The following GRM7 variants were observed in gnomAD, a reference collection of about 807,000 sequenced individuals.
The protein encoded by GRM7 is metabotropic glutamate receptor 7.
A neutral mutation model predicts 84.5 loss-of-function variants in GRM7; 35 were observed. The ratio of observed to expected loss-of-function variants is 0.41; its 90% CI spans 0.32 to 0.55. The LOEUF (loss-of-function observed/expected upper bound fraction) is 0.55. Among genes scored for constraint, GRM7 ranks in the 20% least tolerant of loss-of-function variants. GRM7 has a pLI of 0.19. For synonymous variants in GRM7, 487 were observed against 455.1 expected (o/e 1.07, Z -0.89); for missense variants, 1,003 against 1,194.6 (o/e 0.84, Z 2.36).
intron 2 of GRM7, among the ~76,000 whole-genome samples, chr3:7,278,461 A>T (rs1222439532): frequency 6.6e-6 from 1 of 152,150 alleles, no homozygotes; most frequent in Non-Finnish European, 1.5e-5. Flanking sequence ...TGTTTTATTA[A>T]TTCATGTTCT....
At chr3:6,903,521 T>C (rs76436967) in intron 1 of GRM7, among the ~76,000 whole-genome samples, 15,140 of 152,148 alleles carry the variant, frequency 0.1, 878 homozygotes, top group Non-Finnish European at 0.14. Context: ...CATAAGTTAA[T>C]ACCAAGTTTT....
intron 1 of GRM7, among the ~76,000 whole-genome samples, chr3:6,974,798 T>G (rs1693925495): frequency 6.6e-5 from 10 of 152,098 alleles, no homozygotes; most frequent in Admixed American, 6.5e-4. Flanking sequence ...TGAACTGTGA[T>G]TTTTAGAAAA....
rs185372803 is a variant in GRM7, at chr3:7,486,473, A to C, written c.1515+24751A>C. On this transcript the variant is annotated intron_variant, in intron 7 of 9. Coordinates refer to ENST00000357716, the MANE Select transcript of GRM7 (RefSeq NM_000844.4). This position sits in a 1 kb window ranked among gnomAD's most constrained non-coding sequence, Gnocchi z 5.5. Reference sequence around the variant, plus strand: ...ATTGGGTCATAAAGCGTACTCCTTTATGAAGGGATTAATGCAGTCACTGGG... The same window carrying C: ...ATTGGGTCATAAAGCGTACTCCTTTCTGAAGGGATTAATGCAGTCACTGGG... 1.1e-4 allele frequency among the ~76,000 whole-genome samples: 16 copies of C among 152,248 alleles called. No homozygotes were observed. The highest frequency in any genetic ancestry group is 3.9e-4 in the African/African-American group (16 of 41,542).
intron 6 of GRM7, among the ~76,000 whole-genome samples, chr3:7,456,039 AT>A (rs969474708): frequency 9.9e-5 from 15 of 151,982 alleles, no homozygotes; most frequent in African/African-American, 3.6e-4. Context: ...TTCTTTCTGT[AT>A]TTTTTTCTTG....
In GRM7 at chr3:7,572,372, G is replaced by A. The variant is rs571868158; in HGVS notation, c.1516-6050G>A. On this transcript the variant is annotated intron_variant, in intron 7 of 9. Coordinates refer to ENST00000357716, the MANE Select transcript of GRM7 (RefSeq NM_000844.4). The stretch of plus-strand genomic sequence containing the variant: ...TAGAAGATCCCCAAGTAATTCAAAT[G>A]TGCAAACAAATTAGGAATTACTGCT... 1.4e-3 allele frequency among the ~76,000 whole-genome samples: 220 copies of A among 152,262 alleles called. 1 individual carries two copies. Among genetic ancestry groups the A allele is most frequent in the African/African-American group, 4.9e-3 (204 of 41,546 alleles).
At chr3:7,470,133 C>A (rs2124922231) in intron 7 of GRM7, among the ~76,000 whole-genome samples, 1 of 152,288 alleles carries the variant, frequency 6.6e-6, no homozygotes, top group African/African-American at 2.4e-5. Flanking sequence ...CATAATCCCC[C>A]TAACTCCCAC....
In GRM7 at chr3:7,578,521, A is replaced by G. The variant is rs766723179; in HGVS notation, c.1615A>G (p.Thr539Ala). ...ACAGAGAAAGAAGACACAGAAAGGAACTCCTTGCTGTTGGACCTGTGAGCC... is the reference window on the plus strand; with the variant it reads ...ACAGAGAAAGAAGACACAGAAAGGAGCTCCTTGCTGTTGGACCTGTGAGCC... Reference protein sequence around the residue: ...PGQRKKTQKGTPCCWTCEPCD... With the variant: ...PGQRKKTQKGAPCCWTCEPCD... The change falls in exon 8 of 10, where the codon ACT (threonine) becomes GCT (alanine). Residue 539 changes from threonine to alanine, a missense_variant. By Grantham distance (58) the Thr-to-Ala change is moderately conservative. Transcript: ENST00000357716. 8 of 1,612,526 alleles carry G rather than the reference A, an allele frequency of 5.0e-6. No homozygotes were observed. In the East Asian group the frequency reaches 1.3e-4, roughly 27 times the overall value.
intron 2 of GRM7, among the ~76,000 whole-genome samples, chr3:7,286,345 T>C (rs1394629591): frequency 6.6e-6 from 1 of 152,212 alleles, no homozygotes. Context: ...TTCTGACTTG[T>C]TATACTCTGG....
chr3:7,500,831 C>CT, intron 7 of GRM7, among the ~76,000 whole-genome samples: 1 of 152,298 alleles, frequency 6.6e-6, no homozygotes, highest in East Asian at 1.9e-4. Context: ...CAGACGTGCA[C>CT]TGGGGATACA....
At chr3:7,329,136 T>A (rs1701099630) in intron 4 of GRM7, among the ~76,000 whole-genome samples, 1 of 151,408 alleles carries the variant, frequency 6.6e-6, no homozygotes, top group African/African-American at 2.4e-5. Context: ...ATGAAAGACA[T>A]CATCAAAGTA....
chr3:7,649,639 A>G (rs945110308), intron 8 of GRM7, among the ~76,000 whole-genome samples: 2 of 152,098 alleles, frequency 1.3e-5, no homozygotes, highest in Non-Finnish European at 2.9e-5. Flanking sequence ...CTATTTTTAC[A>G]CCATCATCAC....
chr3:7,168,657 C>T (rs1167823136), intron 2 of GRM7, among the ~76,000 whole-genome samples: 1 of 152,130 alleles, frequency 6.6e-6, no homozygotes, highest in Non-Finnish European at 1.5e-5. Flanking sequence ...CGACCCCATT[C>T]AAATATATTC....
intron 1 of GRM7, among the ~76,000 whole-genome samples, chr3:6,936,665 C>T (rs1697704452): frequency 6.6e-6 from 1 of 152,072 alleles, no homozygotes; most frequent in African/African-American, 2.4e-5. Flanking sequence ...GATTAGTCTT[C>T]TAATCTTTGT....
At chr3:7,271,498 G>A (rs1368139153) in intron 2 of GRM7, among the ~76,000 whole-genome samples, 2 of 147,510 alleles carry the variant, frequency 1.4e-5, no homozygotes, top group Admixed American at 6.9e-5. Context: ...GGCGGAGCTT[G>A]CAGTGAGCTG....
intron 7 of GRM7, among the ~76,000 whole-genome samples, chr3:7,466,343 C>T (rs571897457): frequency 2.6e-5 from 4 of 152,156 alleles, no homozygotes; most frequent in East Asian, 1.9e-4. Context: ...AAGTTATATT[C>T]GAACTGGATC....
chr3:7,469,235 T>G (rs181167610), intron 7 of GRM7, among the ~76,000 whole-genome samples: 3 of 152,332 alleles, frequency 2.0e-5, no homozygotes, highest in African/African-American at 7.2e-5. Context: ...TTAGCAATTC[T>G]ACATGATTCA....
At chr3:7,241,815 A>G (rs1350044999) in intron 2 of GRM7, among the ~76,000 whole-genome samples, 1 of 152,126 alleles carries the variant, frequency 6.6e-6, no homozygotes, top group Non-Finnish European at 1.5e-5. Context: ...TTATTTGTGC[A>G]CAGATGTGTG....
intron 2 of GRM7, among the ~76,000 whole-genome samples, chr3:7,175,461 G>A (rs755032352): frequency 1.1e-4 from 17 of 152,236 alleles, no homozygotes; most frequent in Non-Finnish European, 2.4e-4. Context: ...TTCATTTGGT[G>A]CCTAAAGCAG....
intron 2 of GRM7, among the ~76,000 whole-genome samples, chr3:7,189,248 T>A (rs151286222): frequency 6.6e-6 from 1 of 152,248 alleles, no homozygotes; most frequent in Non-Finnish European, 1.5e-5. Context: ...CATATACACA[T>A]ATATCACGCA....
Sources: gnomAD v4.1 joint callset for allele counts (sites outside exome capture counted in the v4.1 genomes callset) on GRCh38, gnomAD v4.1.1 for gene constraint, Gnocchi (gnomAD v3.1) non-coding constraint, MANE v1.5 for transcripts, NCBI Gene and HGNC (gene_info 2026-07-23, HGNC 2026-07-21) for gene names.